The following FNBP1L variants were observed in gnomAD, a reference collection of about 807,000 sequenced individuals.
FNBP1L encodes the protein formin binding protein 1 like, also known as formin-binding protein 1-like.
Under a neutral mutation model 91.2 loss-of-function variants are expected in FNBP1L, and 36 were observed. The ratio of observed to expected loss-of-function variants is 0.39; its 90% CI spans 0.30 to 0.52. The LOEUF is 0.52. FNBP1L is among the 20% of genes least tolerant of loss of function. The pLI, the probability that FNBP1L is intolerant of heterozygous loss-of-function variation, is 0.66. For synonymous variants in FNBP1L, 242 were observed against 237.0 expected, an observed-to-expected ratio of 1.02 and a Z score of -0.19; for missense variants, 571 against 732.1, an observed-to-expected ratio of 0.78 and a Z score of 2.54.
intron 13 of FNBP1L, 67 bp downstream of exon 13, chr1:93,547,041 TTTTG>T: frequency 6.8e-7 from 1 of 1,476,054 alleles, no homozygotes; most frequent in Non-Finnish European, 9.2e-7. Context: ...ATAGATTGGT[TTTTG>T]TTAGAATTAT....
At chr1:93,517,988 T>G (rs1570836195) in intron 2 of FNBP1L, among the ~76,000 whole-genome samples, 1 of 152,270 alleles carries the variant, frequency 6.6e-6, no homozygotes, top group East Asian at 1.9e-4. Flanking sequence ...ATATAAAGAG[T>G]TTAGCATTAA....
At chr1:93,540,434 C>T (rs959398005) in intron 10 of FNBP1L, among the ~76,000 whole-genome samples, 3 of 151,854 alleles carry the variant, frequency 2.0e-5, no homozygotes, top group African/African-American at 7.3e-5. Context: ...GAAATGTGTA[C>T]GGGAAACTTG....
At chr1:93,548,482 G>A (rs1672309990) in intron 14 of FNBP1L, among the ~76,000 whole-genome samples, 1 of 152,018 alleles carries the variant, frequency 6.6e-6, no homozygotes, top group African/African-American at 2.4e-5. Flanking sequence ...ATGATTAGTT[G>A]GAAATTTACT....
At position 93,544,306 on chromosome 1, in the gene FNBP1L, A is replaced by G. The variant is rs141572884; in HGVS notation, c.1274+90A>G. The G allele has an allele frequency of 2.7e-3, 1,997 of 747,938 alleles. 91 individuals are homozygous for G. The Admixed American group carries it at 0.059, about 22-fold the overall frequency. The allele number at this position is 747,938 out of a possible 1,614,324, so 46.3% of individuals were successfully genotyped here. A position where few individuals can be genotyped will look rare whatever the true frequency, so the allele number is the denominator to read the frequency against. On this transcript the variant is annotated intron_variant, in intron 12 of 16. Transcript: ENST00000271234. ...AATGTGATATACAGAAGGTTTAAAA[A>G]TCATATATCCTAATTGAAATATCTT...
intron 1 of FNBP1L, among the ~76,000 whole-genome samples, chr1:93,466,473 T>G (rs528019022): frequency 6.6e-6 from 1 of 152,268 alleles, no homozygotes; most frequent in Non-Finnish European, 1.5e-5. Flanking sequence ...TTTCCCCATT[T>G]CTTGTTTTTG....
intron 2 of FNBP1L, among the ~76,000 whole-genome samples, chr1:93,504,765 T>G (rs1670551243): frequency 6.6e-6 from 1 of 152,176 alleles, no homozygotes; most frequent in Admixed American, 6.5e-5. Flanking sequence ...CAAGTCAGTT[T>G]TTAAAATTGA....
intron 1 of FNBP1L, among the ~76,000 whole-genome samples, chr1:93,485,447 C>A (rs562262844): frequency 9.7e-4 from 148 of 152,134 alleles, no homozygotes; most frequent in African/African-American, 3.5e-3. Flanking sequence ...AGACATAAAA[C>A]CTATGTATTG....
rs61752467 is a variant in FNBP1L at position 93,523,440 on chromosome 1, G to T, written c.291G>T (p.Val97=). 7 of 1,610,394 alleles carry T rather than the reference G, an allele frequency of 4.3e-6. No individual in the cohort carries two copies. In the African/African-American group the frequency reaches 6.7e-5, roughly 15 times the overall value. Residue 97 remains valine (V), a synonymous_variant, in exon 4 of 17, where the codon GTG becomes GTT. Transcript: ENST00000271234. The stretch of plus-strand genomic sequence containing the variant: ...TAGCAGAAGAAATGGCGCACAGAGT[G>T]TATGGTGAATTAATGAGATATGCTC... The part of the protein sequence containing the change: ...EVVAEEMAHR[V]YGELMRYAHD...
chr1:93,455,494 C>T (rs1668632891), intron 1 of FNBP1L, among the ~76,000 whole-genome samples: 1 of 152,190 alleles, frequency 6.6e-6, no homozygotes, highest in African/African-American at 2.4e-5. Context: ...TGGCTCTATG[C>T]CACATGCCAT....
chr1:93,552,120 T>C, intron 16 of FNBP1L: 1 of 1,163,148 alleles, frequency 8.6e-7, no homozygotes, highest in African/African-American at 1.6e-5. Context: ...GATAGATAAA[T>C]TTTTCCAATT....
At chr1:93,547,034 G>C in intron 13 of FNBP1L, 60 bp downstream of exon 13, 1 of 1,507,826 alleles carries the variant, frequency 6.6e-7, no homozygotes, top group Non-Finnish European at 8.9e-7. Context: ...CATTATGATA[G>C]ATTGGTTTTT....
chr1:93,478,592 G>A (rs1669580622), intron 1 of FNBP1L, among the ~76,000 whole-genome samples: 1 of 152,156 alleles, frequency 6.6e-6, no homozygotes, highest in Non-Finnish European at 1.5e-5. Flanking sequence ...GGCAGCAGTG[G>A]CAGTCTAATA....
chr1:93,492,898 T>G, intron 1 of FNBP1L, among the ~76,000 whole-genome samples: 1 of 152,292 alleles, frequency 6.6e-6, no homozygotes, highest in East Asian at 1.9e-4. Context: ...TTAATGTGTT[T>G]GAGAATAAAA....
At chr1:93,549,254 C>T in intron 14 of FNBP1L, 24 bp from the exon 15 acceptor site, 3 of 1,582,054 alleles carry the variant, frequency 1.9e-6, no homozygotes, top group Non-Finnish European at 2.6e-6. Flanking sequence ...GATACTTGAT[C>T]AGAGATAATT....
intron 7 of FNBP1L, among the ~76,000 whole-genome samples, 188 bp downstream of exon 7, chr1:93,531,071 A>G (rs544018883): frequency 3.3e-5 from 5 of 152,334 alleles, no homozygotes; most frequent in East Asian, 3.9e-4. Context: ...TTTCCTACGT[A>G]TCTACTATTA....
chr1:93,536,451 G>A lies in FNBP1L; in HGVS notation c.1110G>A (p.Gly370=), dbSNP rs1161515894. The A allele has an allele frequency of 1.9e-6, 3 of 1,549,528 alleles. No individual in the cohort carries two copies. The African/African-American group carries it at 4.1e-5, about 21-fold the overall frequency. The change falls in exon 10 of 17, where the codon GGG becomes GGA. Residue 370 remains glycine, a synonymous_variant. Coordinates refer to ENST00000271234, the MANE Select transcript of FNBP1L (RefSeq NM_001164473.3). ...VHYCMNEIKT[G]KPRIPSFRSL... ...ATTGTATGAATGAAATAAAAACAGG[G>A]AAGCCCAGAATTCCTTCTTTCAGAA...
intron 5 of FNBP1L, among the ~76,000 whole-genome samples, chr1:93,528,397 G>GA (rs1411346497): frequency 2.0e-5 from 3 of 152,156 alleles, no homozygotes; most frequent in South Asian, 2.1e-4. Flanking sequence ...GAAGCCAGAA[G>GA]AATAGTGGAG....
intron 1 of FNBP1L, among the ~76,000 whole-genome samples, chr1:93,449,489 A>G (rs1032593929): frequency 6.6e-6 from 1 of 152,174 alleles, no homozygotes; most frequent in Non-Finnish European, 1.5e-5. Flanking sequence ...GTGGGAGTGA[A>G]AGCCAATGGG....
At chr1:93,529,951 A>G (rs1671621602) in intron 6 of FNBP1L, among the ~76,000 whole-genome samples, 195 bp downstream of exon 6, 1 of 152,190 alleles carries the variant, frequency 6.6e-6, no homozygotes. Flanking sequence ...AATTTATTAC[A>G]ATATCTTAGC....
Sources: gnomAD v4.1 joint callset for allele counts (sites outside exome capture counted in the v4.1 genomes callset) on GRCh38, gnomAD v4.1.1 for gene constraint, MANE v1.5 for transcripts, NCBI Gene and HGNC (gene_info 2026-07-23, HGNC 2026-07-21) for gene names.